CDH15: variants seen among roughly 807,000 people sequenced by gnomAD.
CDH15 encodes cadherin 15.
A neutral mutation model predicts 69.4 loss-of-function variants in CDH15; 73 were observed. The ratio of observed to expected loss-of-function variants is 1.05; its 90% CI spans 0.87 to 1.28. The LOEUF (loss-of-function observed/expected upper bound fraction) is 1.28. Among genes scored for constraint, CDH15 ranks in the 50% most tolerant of loss-of-function variants. The pLI is 0.00. For missense variants in CDH15, 1,343 were observed against 1,133.6 expected, an observed-to-expected ratio of 1.18 and a Z score of -2.65; for synonymous variants, 624 against 507.7, an observed-to-expected ratio of 1.23 and a Z score of -3.08.
At chr16:89,179,184 G>A (rs1915319544) in intron 1 of CDH15, among the ~76,000 whole-genome samples, 1 of 152,230 alleles carries the variant, frequency 6.6e-6, no homozygotes, top group African/African-American at 2.4e-5. Context: ...AGTACTTGGG[G>A]TGTGGCCACC....
Position 89,189,238 on chromosome 16 carries a change from C to T in CDH15, c.978+953C>T, listed in dbSNP as rs528470209. On this transcript the variant is annotated intron_variant, in intron 7 of 13. Coordinates refer to ENST00000289746, the MANE Select transcript of CDH15 (RefSeq NM_004933.3). Reference sequence around the variant, plus strand: ...ACGCACAGGTGCCCACACACAGATGCTGGCACACACAGATGCCCACACACA... The same window carrying T: ...ACGCACAGGTGCCCACACACAGATGTTGGCACACACAGATGCCCACACACA... Among the ~76,000 whole-genome samples the T allele has an allele frequency of 3.0e-4, 43 of 145,600 alleles. 1 individual carries two copies. Among genetic ancestry groups the T allele is most frequent in the African/African-American group, 1.0e-3 (41 of 39,282 alleles).
At chr16:89,185,520 G>A (rs1000215149) in intron 5 of CDH15, 187 bp downstream of exon 5, 13 of 736,010 alleles carry the variant, frequency 1.8e-5, no homozygotes, top group Admixed American at 6.3e-5. Context: ...CAGGAGCCGC[G>A]CTGGCCCGGG....
At chr16:89,189,370 TGCTG>T (rs1915587784) in intron 7 of CDH15, among the ~76,000 whole-genome samples, 1 of 149,600 alleles carries the variant, frequency 6.7e-6, no homozygotes. Flanking sequence ...CACACACAGA[TGCTG>T]GCGCACACAG....
chr16:89,191,542 G>C lies in CDH15; in HGVS notation c.1375+70G>C, dbSNP rs936700555. 2.5e-6 allele frequency: 4 copies of C among 1,596,986 alleles called. No individual in the cohort carries two copies. The Admixed American group carries it at 5.1e-5, about 20-fold the overall frequency. Reference sequence around the variant, plus strand: ...CCGGCTGAGCACCCCTGCCAGTGTCGGAGGGCTCTGCCCATGTCGCCCGGG... The same window carrying C: ...CCGGCTGAGCACCCCTGCCAGTGTCCGAGGGCTCTGCCCATGTCGCCCGGG... On this transcript the variant is annotated intron_variant, in intron 9 of 13. Coordinates refer to ENST00000289746, the MANE Select transcript of CDH15 (RefSeq NM_004933.3).
intron 1 of CDH15, among the ~76,000 whole-genome samples, chr16:89,179,129 C>G (rs1184147036): frequency 6.6e-6 from 1 of 152,234 alleles, no homozygotes; most frequent in Non-Finnish European, 1.5e-5. Context: ...GCTGAGTGGG[C>G]CCAGTAGGAG....
intron 7 of CDH15, among the ~76,000 whole-genome samples, chr16:89,189,055 A>G (rs1011628725): frequency 1.4e-5 from 2 of 146,136 alleles, no homozygotes; most frequent in Non-Finnish European, 3.0e-5. Context: ...AGGTGCCCAC[A>G]CACAGATGCC....
At chr16:89,185,572 C>T (rs1407380868) in intron 5 of CDH15, 3 of 580,480 alleles carry the variant, frequency 5.2e-6, no homozygotes, top group Non-Finnish European at 6.2e-6. Context: ...GGGCCCGGCA[C>T]AGGGCAGGGC....
intron 1 of CDH15, among the ~76,000 whole-genome samples, chr16:89,177,945 C>T (rs575213107): frequency 6.6e-6 from 1 of 152,236 alleles, no homozygotes; most frequent in East Asian, 1.9e-4. Context: ...CAGGACCCGC[C>T]GTCTCTAAGC....
At chr16:89,187,784 A>G (rs1915523219) in intron 6 of CDH15, among the ~76,000 whole-genome samples, 1 of 152,178 alleles carries the variant, frequency 6.6e-6, no homozygotes, top group Non-Finnish European at 1.5e-5. Context: ...GGGGAGAAGC[A>G]GCCCATGGGA....
Position 89,180,636 on chromosome 16 carries a change from C to T in CDH15, c.357+281C>T, listed in dbSNP as rs180847675. On this transcript the variant is annotated intron_variant, in intron 3 of 13. Coordinates refer to ENST00000289746, the MANE Select transcript of CDH15 (RefSeq NM_004933.3). ...CTGCCAGGGAGGAGCATGCTGCAGC[C>T]GCTGTAGCTTCTGTGGCTCAACCAC... 2.9e-3 allele frequency among the ~76,000 whole-genome samples: 437 copies of T among 152,340 alleles called. 3 individuals carry two copies. The highest frequency in any genetic ancestry group is 0.01 in the Middle Eastern group (3 of 294).
chr16:89,193,635 G>A (rs761020449), intron 12 of CDH15, 29 bp downstream of exon 12: 2 of 1,574,194 alleles, frequency 1.3e-6, no homozygotes, highest in South Asian at 1.2e-5. Flanking sequence ...GTGGGGAGGG[G>A]TCCCCAAGGA....
intron 10 of CDH15, 47 bp downstream of exon 10, chr16:89,191,941 C>A (rs548130724): frequency 5.3e-6 from 8 of 1,498,166 alleles, no homozygotes; most frequent in South Asian, 1.2e-5. Flanking sequence ...ACGCTCCCCC[C>A]ACCCCCACAT....
Position 89,171,757 on chromosome 16 carries a change from T to G in CDH15, c.-75T>G. ...TCTGGCCCTGGCCCGCCCCGCGCAC[T>G]TGCGCTGTCACTCAGCCTGGACGCG... On this transcript the variant is annotated 5_prime_UTR_variant, in exon 1 of 14. Transcript: ENST00000289746. 1 of 1,330,106 alleles carries G rather than the reference T, an allele frequency of 7.5e-7. No homozygotes were observed. 82.4% of individuals were successfully genotyped at this position (1,330,106 alleles called of 1,614,324 possible). A position where few individuals can be genotyped will look rare whatever the true frequency, so the allele number is the denominator to read the frequency against.
intron 8 of CDH15, among the ~76,000 whole-genome samples, chr16:89,190,791 C>T (rs979376072): frequency 6.6e-6 from 1 of 152,152 alleles, no homozygotes; most frequent in African/African-American, 2.4e-5. Flanking sequence ...CATCTCATTT[C>T]ACTCCAAGCC....
chr16:89,180,288 T>G lies in CDH15; in HGVS notation c.290T>G (p.Ile97Ser), dbSNP rs1453785223. 2 of 1,611,604 alleles carry G rather than the reference T, an allele frequency of 1.2e-6. No individual in the cohort carries two copies. Among genetic ancestry groups the G allele is most frequent in the African/African-American group, 2.7e-5 (2 of 74,858 alleles). Residue 97 changes from isoleucine to serine, a missense_variant, in exon 3 of 14, where the codon ATC (isoleucine) becomes AGC (serine). Transcript: ENST00000289746. ...VDEEPRGVFS[I>S]DKFTGKVFLN... ...GAGGAGCCCCGGGGCGTCTTCTCTA[T>G]CGACAAGTTCACAGGGAAGGTCTTC...
intron 1 of CDH15, among the ~76,000 whole-genome samples, chr16:89,174,379 G>A (rs535518371): frequency 3.9e-5 from 6 of 152,216 alleles, no homozygotes; most frequent in African/African-American, 1.2e-4. Context: ...GCCACCAAGC[G>A]TGTTCCTAGA....
chr16:89,171,782 G>A lies in CDH15; in HGVS notation c.-50G>A, dbSNP rs12927793. ...TTGCGCTGTCACTCAGCCTGGACGC[G>A]CTTCTTCGGGTCGCGGGTGCACTCC... On this transcript the variant is annotated 5_prime_UTR_variant, in exon 1 of 14. Coordinates refer to ENST00000289746, the MANE Select transcript of CDH15 (RefSeq NM_004933.3). 0.52 allele frequency: 799,955 copies of A among 1,530,064 alleles called. 226,472 individuals are homozygous for A. Among genetic ancestry groups the A allele is most frequent in the Non-Finnish European group, 0.59 (671,360 of 1,140,132 alleles). The allele number at this position is 1,530,064 out of a possible 1,614,324, so 94.8% of individuals were successfully genotyped here. A position where few individuals can be genotyped will look rare whatever the true frequency, so the allele number is the denominator to read the frequency against.
intron 1 of CDH15, among the ~76,000 whole-genome samples, chr16:89,176,415 C>A (rs1164918273): frequency 6.6e-6 from 1 of 152,270 alleles, no homozygotes; most frequent in East Asian, 1.9e-4. Flanking sequence ...CAGCTCTGAC[C>A]CCCCGGTTCT....
rs145092759 is a variant in CDH15 at position 89,194,941 on chromosome 16, C to T, written c.2231C>T (p.Ser744Leu). 13 of 1,608,440 alleles carry T rather than the reference C, an allele frequency of 8.1e-6. No homozygotes were observed. The South Asian group carries it at 8.9e-5, about 11-fold the overall frequency. ...ALIYDYEGDG[S>L]VAGTLSSILS... ...ATCTATGACTACGAGGGTGACGGCTCGGTGGCGGGGACGCTGAGCTCCATC... is the reference window on the plus strand; with the variant it reads ...ATCTATGACTACGAGGGTGACGGCTTGGTGGCGGGGACGCTGAGCTCCATC... The change falls in exon 14 of 14, where the codon TCG becomes TTG. Residue 744 changes from serine (S) to leucine (L), a missense_variant. Ser to Leu is a moderately radical substitution (Grantham distance 145). Coordinates refer to ENST00000289746, the MANE Select transcript of CDH15 (RefSeq NM_004933.3).
Sources: allele counts gnomAD v4.1 joint callset (sites outside exome capture counted in the v4.1 genomes callset), GRCh38; gene constraint gnomAD v4.1.1; transcripts MANE v1.5; gene names NCBI Gene and HGNC (gene_info 2026-07-23, HGNC 2026-07-21).